Variants in TUT4 observed in about 807,000 individuals in gnomAD.
TUT4 encodes the protein terminal uridylyltransferase 4.
Under a neutral mutation model 192.2 loss-of-function variants are expected in TUT4, and 36 were observed. That is an observed-to-expected ratio of 0.19 (90% confidence interval 0.14 to 0.25). The LOEUF (loss-of-function observed/expected upper bound fraction) is 0.25. TUT4 is among the 10% of genes least tolerant of loss of function. TUT4 has a pLI of 1.00. For missense variants in TUT4, 1,493 were observed against 1,957.2 expected (o/e 0.76, Z 4.47); for synonymous variants, 618 against 666.0 (o/e 0.93, Z 1.11).
At chr1:52,427,751 T>C (rs550470278) in intron 28 of TUT4, among the ~76,000 whole-genome samples, 1 of 152,228 alleles carries the variant, frequency 6.6e-6, no homozygotes, top group Non-Finnish European at 1.5e-5. Context: ...CAATTATCAA[T>C]GGCAGCTAAG....
intron 7 of TUT4, 121 bp from the exon 8 acceptor site, chr1:52,490,922 C>T: frequency 3.6e-6 from 3 of 824,240 alleles, no homozygotes; most frequent in Non-Finnish European, 5.6e-6. Context: ...GGATAATCCA[C>T]TCTTCTCATT....
intron 1 of TUT4, among the ~76,000 whole-genome samples, chr1:52,528,577 G>A (rs750084524): frequency 2.9e-4 from 44 of 151,272 alleles, no homozygotes; most frequent in Non-Finnish European, 5.3e-4. Context: ...ATTCAGATCC[G>A]TTTCTAAACA....
chr1:52,475,151 CTG>C lies in TUT4; in HGVS notation c.2406_2407del (p.Ser803GlnfsTer4), dbSNP rs1267211723. 1 of 1,614,060 alleles carries C rather than the reference CTG, an allele frequency of 6.2e-7. No individual in the cohort carries two copies. The highest frequency in any genetic ancestry group is 1.3e-5 in the African/African-American group (1 of 75,004). ...TTTTGGCTCTATTTCACTGCTTTTG[CTG>C]GTAGAAAGAGATGAAGAGTCCTGTC... On this transcript the variant is annotated frameshift_variant, in exon 13 of 30. Coordinates refer to ENST00000257177, the MANE Select transcript of TUT4 (RefSeq NM_001009881.3). LOFTEE classifies it high-confidence loss of function.
At chr1:52,522,209 G>A (rs781483376) in intron 2 of TUT4, among the ~76,000 whole-genome samples, 2 of 152,116 alleles carry the variant, frequency 1.3e-5, no homozygotes, top group South Asian at 4.1e-4. Context: ...AAAAATGACT[G>A]TATACTACAA....
intron 28 of TUT4, among the ~76,000 whole-genome samples, chr1:52,429,102 G>C (rs1472160732): frequency 3.0e-5 from 1 of 33,738 alleles, no homozygotes; most frequent in African/African-American, 1.3e-4. Flanking sequence ...TTTTTTTTTT[G>C]AGATGGAGTC....
At chr1:52,541,623 G>A (rs1686715962) in intron 1 of TUT4, among the ~76,000 whole-genome samples, 1 of 151,334 alleles carries the variant, frequency 6.6e-6, no homozygotes, top group Non-Finnish European at 1.5e-5. Context: ...AGCTAAAAGT[G>A]TAAAACTGTT....
At chr1:52,485,060 T>G (rs1268447720) in intron 9 of TUT4, among the ~76,000 whole-genome samples, 1 of 152,242 alleles carries the variant, frequency 6.6e-6, no homozygotes, top group Admixed American at 6.5e-5. Context: ...CTGTATGTCC[T>G]GTTAGATGTT....
chr1:52,545,095 G>T (rs1687723340), intron 1 of TUT4, among the ~76,000 whole-genome samples: 1 of 151,242 alleles, frequency 6.6e-6, no homozygotes, highest in Non-Finnish European at 1.5e-5. Flanking sequence ...CAGAGTAAAG[G>T]CCAGGCATGG....
intron 1 of TUT4, among the ~76,000 whole-genome samples, chr1:52,548,162 A>C (rs1206954316): frequency 6.6e-6 from 1 of 152,070 alleles, no homozygotes; most frequent in Admixed American, 6.6e-5. Flanking sequence ...ACTCAGAGAC[A>C]CCCCTCTCCA....
At chr1:52,540,884 T>C (rs1284719852) in intron 1 of TUT4, among the ~76,000 whole-genome samples, 1 of 152,110 alleles carries the variant, frequency 6.6e-6, no homozygotes, top group Non-Finnish European at 1.5e-5. Context: ...ATCGTTAAGA[T>C]TATTAAAACT....
chr1:52,431,421 G>T lies in TUT4; in HGVS notation c.4303C>A (p.Pro1435Thr), dbSNP rs1015637625. 9 of 1,613,816 alleles carry T rather than the reference G, an allele frequency of 5.6e-6. No individual in the cohort carries two copies. Among genetic ancestry groups the T allele is most frequent in the Non-Finnish European group, 7.6e-6 (9 of 1,179,816 alleles). The stretch of plus-strand genomic sequence containing the variant: ...GCAGCTGACTGGGAAGAGTTCTGTG[G>T]AAATGGCTGAGGCTGAGGAGAATAA... ...PSYSPQPQPF[P>T]QNSSQSAAIT... Residue 1435 changes from proline (P) to threonine (T), a missense_variant, in exon 28 of 30, where the codon CCA becomes ACA. Transcript: ENST00000257177.
chr1:52,494,077 A>G (rs1671860804), intron 6 of TUT4, among the ~76,000 whole-genome samples: 1 of 151,800 alleles, frequency 6.6e-6, no homozygotes, highest in Non-Finnish European at 1.5e-5. Context: ...CACGGGAATT[A>G]TAAGCATGAG....
intron 9 of TUT4, among the ~76,000 whole-genome samples, chr1:52,485,577 T>A (rs1452004500): frequency 2.0e-5 from 3 of 152,132 alleles, no homozygotes; most frequent in Non-Finnish European, 2.9e-5. Flanking sequence ...TTGCCTTTGT[T>A]TTTTGTGTGT....
intron 1 of TUT4, among the ~76,000 whole-genome samples, chr1:52,541,532 A>C (rs987154521): frequency 7.3e-6 from 1 of 137,558 alleles, no homozygotes; most frequent in Non-Finnish European, 1.5e-5. Context: ...ACTCCGTCTC[A>C]AAAAAAAAAA....
At chr1:52,465,600 C>T (rs926273782) in intron 15 of TUT4, among the ~76,000 whole-genome samples, 4 of 152,166 alleles carry the variant, frequency 2.6e-5, no homozygotes, top group Non-Finnish European at 4.4e-5. Flanking sequence ...CATAATAAAT[C>T]CATCTGCTTT....
At chr1:52,428,079 G>GA (rs1215282000) in intron 28 of TUT4, among the ~76,000 whole-genome samples, 5 of 151,212 alleles carry the variant, frequency 3.3e-5, no homozygotes, top group Non-Finnish European at 7.4e-5. Flanking sequence ...GTTAATATCG[G>GA]AAAAAAAACA....
intron 16 of TUT4, chr1:52,463,727 C>CA: frequency 7.7e-7 from 1 of 1,304,246 alleles, no homozygotes; most frequent in Non-Finnish European, 1.0e-6. Context: ...CCTGTCCAAT[C>CA]AGTCTTTTTC....
chr1:52,515,125 G>T (rs1313792730), intron 3 of TUT4: 1 of 152,094 alleles, frequency 6.6e-6, no homozygotes, highest in Non-Finnish European at 1.5e-5. Context: ...TTTTATTGAG[G>T]CCAGGAATGT....
Position 52,488,890 on chromosome 1 carries a change from T to C in TUT4, c.1515+19A>G. On this transcript the variant is annotated intron_variant, in intron 9 of 29. Transcript: ENST00000257177. Reference sequence around the variant, plus strand: ...CCTTCTAAAAATATAAATAAGTAGTTTTCCTCTCTTTCACTTACCTTAGCC... The same window carrying C: ...CCTTCTAAAAATATAAATAAGTAGTCTTCCTCTCTTTCACTTACCTTAGCC... 6.3e-7 allele frequency: 1 copy of C among 1,585,764 alleles called. No homozygotes were observed. The highest frequency in any genetic ancestry group is 8.5e-7 in the Non-Finnish European group (1 of 1,172,096).
Sources: gnomAD v4.1 joint callset for allele counts (sites outside exome capture counted in the v4.1 genomes callset) on GRCh38, gnomAD v4.1.1 for gene constraint, MANE v1.5 for transcripts, NCBI Gene and HGNC (gene_info 2026-07-23, HGNC 2026-07-21) for gene names.